Variants in MYO6 observed in about 807,000 individuals in gnomAD.
MYO6 encodes the protein unconventional myosin-VI.
Under a neutral mutation model 178.7 loss-of-function variants are expected in MYO6, and 74 were observed. The observed-to-expected ratio is 0.41, with a 90% confidence interval of 0.34 to 0.50. The LOEUF is 0.50. Among genes scored for constraint, MYO6 ranks in the 20% least tolerant of loss-of-function variants. The pLI, the probability that MYO6 is intolerant of heterozygous loss-of-function variation, is 0.09. For synonymous variants in MYO6, 477 were observed against 504.6 expected, an observed-to-expected ratio of 0.95 and a Z score of 0.73; for missense variants, 1,330 against 1,547.4, an observed-to-expected ratio of 0.86 and a Z score of 2.36.
In MYO6 at chr6:75,828,526, A is replaced by G; in HGVS notation, c.188-14A>G. 2 of 1,448,312 alleles carry G rather than the reference A, an allele frequency of 1.4e-6. No homozygotes were observed. Among genetic ancestry groups the G allele is most frequent in the Non-Finnish European group, 1.9e-6 (2 of 1,030,108 alleles). The allele number at this position is 1,448,312 out of a possible 1,614,324, so 89.7% of individuals were successfully genotyped here. A position where few individuals can be genotyped will look rare whatever the true frequency, so the allele number is the denominator to read the frequency against. On this transcript the variant is annotated splice_polypyrimidine_tract_variant and intron_variant, in intron 3 of 34. Transcript: ENST00000369977. ...TCTTCAATTCTCTAATGACATATAA[A>G]TTTTATGTCTTAGGTTCACTAATGT... is the stretch of plus-strand genomic sequence containing the variant.
chr6:75,787,726 CTCTCTATATATATATA>C (rs1195713767), intron 1 of MYO6, among the ~76,000 whole-genome samples: 7 of 20,460 alleles, frequency 3.4e-4, no homozygotes, highest in South Asian at 2.7e-3. Flanking sequence ...CTCTCTCTCT[CTCTCTATATATATATA>C]TATATATATA....
chr6:75,763,316 G>T (rs1193368607), intron 1 of MYO6, among the ~76,000 whole-genome samples: 1 of 152,122 alleles, frequency 6.6e-6, no homozygotes, highest in Non-Finnish European at 1.5e-5. Context: ...GAGCCACTGT[G>T]CCCGGCATAA....
chr6:75,805,019 A>T (rs868699808), intron 1 of MYO6, among the ~76,000 whole-genome samples: 119 of 61,330 alleles, frequency 1.9e-3, no homozygotes, highest in African/African-American at 0.012. Context: ...ATATATATAT[A>T]TATTTTTTTT....
In MYO6 at chr6:75,857,115, G is replaced by A. The variant is rs1362500418; in HGVS notation, c.1242G>A (p.Glu414=). The change falls in exon 13 of 35, where the codon GAG becomes GAA. Residue 414 remains glutamate (E), a synonymous_variant. Coordinates refer to ENST00000369977, the MANE Select transcript of MYO6 (RefSeq NM_004999.4). The part of the protein sequence containing the change: ...GTVIKVPLKV[E]QANNARDALA... ...TTTATAGGGTACCTCTGAAAGTGGA[G>A]CAAGCAAACAATGCTCGTGATGCCC... The A allele has an allele frequency of 1.9e-6, 3 of 1,613,940 alleles. No homozygotes were observed. The highest frequency in any genetic ancestry group is 2.5e-6 in the Non-Finnish European group (3 of 1,179,902).
intron 6 of MYO6, among the ~76,000 whole-genome samples, chr6:75,835,187 T>A (rs150577561): frequency 1.2e-3 from 176 of 152,304 alleles, no homozygotes; most frequent in African/African-American, 3.9e-3. Flanking sequence ...TCCTATAGTT[T>A]ATGAATATGA....
chr6:75,846,116 C>T (rs560691324), intron 10 of MYO6, among the ~76,000 whole-genome samples: 27 of 150,684 alleles, frequency 1.8e-4, no homozygotes, highest in Admixed American at 5.9e-4. Flanking sequence ...ATAATTATAC[C>T]ATTAAGTATT....
At chr6:75,878,060 A>AT (rs1232952206) in intron 20 of MYO6, among the ~76,000 whole-genome samples, 3 of 152,078 alleles carry the variant, frequency 2.0e-5, no homozygotes, top group South Asian at 2.1e-4. Context: ...AGTTCTGGAG[A>AT]TTTTTTTTCC....
intron 1 of MYO6, among the ~76,000 whole-genome samples, chr6:75,786,795 A>G (rs1767608734): frequency 1.3e-5 from 2 of 152,098 alleles, no homozygotes; most frequent in Admixed American, 1.3e-4. Flanking sequence ...TTTTTTCTGA[A>G]CTTTTTGACT....
At position 75,762,280 on chromosome 6, in the gene MYO6, T is replaced by C. The variant is rs1387543745; in HGVS notation, c.-48+12857T>C. Among the ~76,000 whole-genome samples the C allele has an allele frequency of 2.6e-5, 4 of 152,216 alleles. No homozygotes were observed. The East Asian group carries it at 5.8e-4, about 22-fold the overall frequency. On this transcript the variant is annotated intron_variant, in intron 1 of 34. Coordinates refer to ENST00000369977, the MANE Select transcript of MYO6 (RefSeq NM_004999.4). ...GAGGGCCAATTATATGCCGTCACTT[T>C]GAGTGTTTTGCAGTTATTTTCTCAT...
intron 1 of MYO6, among the ~76,000 whole-genome samples, chr6:75,765,742 A>G (rs1018489071): frequency 2.6e-5 from 4 of 152,024 alleles, no homozygotes; most frequent in Non-Finnish European, 5.9e-5. Flanking sequence ...CAAAAAAAAG[A>G]AAAGGCTAGG....
At chr6:75,801,756 C>A (rs1487699711) in intron 1 of MYO6, among the ~76,000 whole-genome samples, 1 of 151,932 alleles carries the variant, frequency 6.6e-6, no homozygotes, top group Non-Finnish European at 1.5e-5. Context: ...GCCTGGCCAA[C>A]CTGGTGAAAC....
At position 75,907,299 on chromosome 6, in the gene MYO6, G is replaced by A. The variant is rs889463671; in HGVS notation, c.3177-306G>A. On this transcript the variant is annotated intron_variant, in intron 30 of 34. Transcript: ENST00000369977. ...GTCAGTATATTTTTCAACTTTAAGT[G>A]TTCGTATATATATTAGTAAAAACAT... 2.2e-4 allele frequency among the ~76,000 whole-genome samples: 33 copies of A among 152,164 alleles called. 2 individuals carry two copies. The highest frequency in any genetic ancestry group is 2.9e-5 in the Non-Finnish European group (2 of 68,032).
intron 2 of MYO6, among the ~76,000 whole-genome samples, chr6:75,819,451 T>C (rs1771638699): frequency 1.3e-5 from 2 of 152,346 alleles, no homozygotes; most frequent in South Asian, 4.1e-4. Flanking sequence ...GGACTGGTCA[T>C]GCACACCTTT....
At chr6:75,836,254 C>G (rs570284292) in intron 7 of MYO6, among the ~76,000 whole-genome samples, 3 of 152,286 alleles carry the variant, frequency 2.0e-5, no homozygotes, top group African/African-American at 7.2e-5. Context: ...ATGTCTTTAG[C>G]TTCCAGTTTG....
intron 7 of MYO6, among the ~76,000 whole-genome samples, chr6:75,838,300 G>A (rs1168866765): frequency 1.3e-5 from 2 of 151,856 alleles, no homozygotes; most frequent in East Asian, 1.9e-4. Context: ...CAGGTGATCT[G>A]CCTGCCTCAG....
intron 16 of MYO6, among the ~76,000 whole-genome samples, chr6:75,864,595 A>G (rs1583305126): frequency 6.6e-6 from 1 of 152,186 alleles, no homozygotes; most frequent in African/African-American, 2.4e-5. Flanking sequence ...GTTGGCACCT[A>G]GAGTCATAAG....
At chr6:75,893,719 C>T (rs866415464) in intron 28 of MYO6, among the ~76,000 whole-genome samples, 29 of 152,182 alleles carry the variant, frequency 1.9e-4, no homozygotes, top group Admixed American at 4.6e-4. Flanking sequence ...TTGGGGAGCT[C>T]TGGGACTGCT....
intron 23 of MYO6, among the ~76,000 whole-genome samples, chr6:75,885,194 A>G (rs1265625955): frequency 2.6e-5 from 4 of 152,324 alleles, no homozygotes; most frequent in Non-Finnish European, 2.9e-5. Flanking sequence ...GCAAAATTAC[A>G]TCTTTCAACA....
intron 1 of MYO6, among the ~76,000 whole-genome samples, chr6:75,804,861 T>TATATGCGCATATATATATACACACAC (rs1769847735): frequency 7.1e-6 from 1 of 141,662 alleles, no homozygotes; most frequent in Non-Finnish European, 1.5e-5. Context: ...TATACACATA[T>TATATGCGCATATATATATACACACAC]ATATGCGCAT....
Sources: gnomAD v4.1 joint callset for allele counts (sites outside exome capture counted in the v4.1 genomes callset) on GRCh38, gnomAD v4.1.1 for gene constraint, MANE v1.5 for transcripts, NCBI Gene and HGNC (gene_info 2026-07-23, HGNC 2026-07-21) for gene names.